SLC24A4: variants seen among roughly 807,000 people sequenced by gnomAD.
The protein encoded by SLC24A4 is sodium/potassium/calcium exchanger 4.
Under a neutral mutation model 79.0 loss-of-function variants are expected in SLC24A4, and 53 were observed. That is an observed-to-expected ratio of 0.67 (90% CI 0.54 to 0.84). The LOEUF is 0.84. SLC24A4 is among the 40% of genes least tolerant of loss of function. The pLI is 0.00. For synonymous variants in SLC24A4, 323 were observed against 323.8 expected (o/e 1.00, Z 0.03); for missense variants, 731 against 822.0 (o/e 0.89, Z 1.35).
At chr14:92,373,088 C>T (rs1195219081) in intron 2 of SLC24A4, among the ~76,000 whole-genome samples, 1 of 151,020 alleles carries the variant, frequency 6.6e-6, no homozygotes, top group Non-Finnish European at 1.5e-5. Context: ...CTGCAACCTC[C>T]ACCTCCTGGG....
At chr14:92,448,288 A>C (rs1162229606) in intron 9 of SLC24A4, among the ~76,000 whole-genome samples, 2 of 151,200 alleles carry the variant, frequency 1.3e-5, no homozygotes, top group Non-Finnish European at 2.9e-5. Flanking sequence ...TGTGCCCTTA[A>C]AAAGGGAAAG....
chr14:92,474,769 A>ATG (rs1179289365), intron 12 of SLC24A4, among the ~76,000 whole-genome samples: 70 of 120,856 alleles, frequency 5.8e-4, no homozygotes, highest in African/African-American at 2.0e-3. Flanking sequence ...ATACGTATAT[A>ATG]TGTGTGTATA....
At chr14:92,463,661 T>C (rs1481700398) in intron 12 of SLC24A4, among the ~76,000 whole-genome samples, 1 of 152,204 alleles carries the variant, frequency 6.6e-6, no homozygotes, top group Non-Finnish European at 1.5e-5. Context: ...ATAACAGGTC[T>C]TTTTCACTTA....
At chr14:92,345,695 C>A (rs1265046614) in intron 2 of SLC24A4, among the ~76,000 whole-genome samples, 1 of 151,608 alleles carries the variant, frequency 6.6e-6, no homozygotes, top group Non-Finnish European at 1.5e-5. Flanking sequence ...GAGCAAGCCT[C>A]CATCTAGAAA....
intron 2 of SLC24A4, among the ~76,000 whole-genome samples, chr14:92,404,239 T>C (rs915563616): frequency 6.6e-6 from 1 of 152,228 alleles, no homozygotes; most frequent in Non-Finnish European, 1.5e-5. Flanking sequence ...ATAGCCCAGC[T>C]GGTCTTGCTT....
intron 12 of SLC24A4, among the ~76,000 whole-genome samples, chr14:92,472,712 C>T (rs1357333212): frequency 6.6e-6 from 1 of 152,190 alleles, no homozygotes; most frequent in Non-Finnish European, 1.5e-5. Flanking sequence ...GCTGGTTCCA[C>T]ATTTTTGCAA....
chr14:92,340,566 G>A (rs954879036), intron 2 of SLC24A4, among the ~76,000 whole-genome samples: 1 of 69,628 alleles, frequency 1.4e-5, no homozygotes, highest in Non-Finnish European at 2.8e-5. Context: ...GGCTTCCGAG[G>A]CTGCATCATG....
At chr14:92,416,415 G>T (rs565964927) in intron 2 of SLC24A4, among the ~76,000 whole-genome samples, 2 of 152,164 alleles carry the variant, frequency 1.3e-5, no homozygotes, top group East Asian at 3.9e-4. Flanking sequence ...ACTTTATGCT[G>T]TCCTCTTCCT....
Position 92,409,962 on chromosome 14 carries a change from G to A in SLC24A4, c.242-23950G>A, listed in dbSNP as rs117172939. ...GCAGGAACAGAAAACCAAATACCAC[G>A]TTTTCACTTATAAGTGAGAGCTAAA... On this transcript the variant is annotated intron_variant, in intron 2 of 16. Transcript: ENST00000532405. 3.3e-5 allele frequency among the ~76,000 whole-genome samples: 5 copies of A among 152,238 alleles called. No homozygotes were observed. In the East Asian group the frequency reaches 7.7e-4, roughly 23 times the overall value.
intron 10 of SLC24A4, among the ~76,000 whole-genome samples, chr14:92,449,420 G>A (rs1893014794): frequency 6.6e-6 from 1 of 152,134 alleles, no homozygotes. Flanking sequence ...GATGGGGTTT[G>A]CTTAGGTGGG....
At chr14:92,453,495 GGAAA>G (rs1893268064) in intron 10 of SLC24A4, 1 of 159,528 alleles carries the variant, frequency 6.3e-6, no homozygotes, top group African/African-American at 2.4e-5. Context: ...TGTACGTGGG[GGAAA>G]GAAAGGTCCC....
rs1419068596 is a variant in SLC24A4 at position 92,449,115 on chromosome 14, A to G, written c.779A>G (p.Lys260Arg). 6.2e-7 allele frequency: 1 copy of G among 1,614,194 alleles called. No homozygotes were observed. The highest frequency in any genetic ancestry group is 8.5e-7 in the Non-Finnish European group (1 of 1,180,030). Reference sequence around the variant, plus strand: ...CAAGCCTTTTTCACAGTCAAACAAAAGAGCATTGCAAACGGTAACCCGGTC... The same window carrying G: ...CAAGCCTTTTTCACAGTCAAACAAAGGAGCATTGCAAACGGTAACCCGGTC... ...KMQAFFTVKQ[K>R]SIANGNPVNS... The change falls in exon 10 of 17, where the codon AAG (lysine) becomes AGG (arginine). Residue 260 changes from lysine (K) to arginine (R), a missense_variant. Transcript: ENST00000532405.
intron 2 of SLC24A4, among the ~76,000 whole-genome samples, chr14:92,374,087 C>T (rs1333674927): frequency 6.6e-6 from 1 of 152,182 alleles, no homozygotes; most frequent in Admixed American, 6.5e-5. Flanking sequence ...CAAGGGAGGC[C>T]CCAGCCAAAA....
At chr14:92,343,123 C>T (rs1228350103) in intron 2 of SLC24A4, among the ~76,000 whole-genome samples, 11 of 152,230 alleles carry the variant, frequency 7.2e-5, no homozygotes, top group African/African-American at 2.7e-4. Context: ...GCCCCTTCCA[C>T]TTCTTCCCTG....
intron 6 of SLC24A4, among the ~76,000 whole-genome samples, chr14:92,443,018 A>AT (rs1293960411): frequency 6.6e-6 from 1 of 152,214 alleles, no homozygotes; most frequent in Non-Finnish European, 1.5e-5. Context: ...AGATATCCTC[A>AT]GAGCCCCAGG....
intron 2 of SLC24A4, among the ~76,000 whole-genome samples, chr14:92,400,515 G>T (rs1162207345): frequency 6.6e-6 from 1 of 150,972 alleles, no homozygotes; most frequent in Admixed American, 6.6e-5. Flanking sequence ...AGGGAGAGAA[G>T]ATCTATAAGG....
intron 9 of SLC24A4, 112 bp from the exon 10 acceptor site, chr14:92,448,959 CCCA>C: frequency 1.6e-6 from 2 of 1,276,572 alleles, no homozygotes; most frequent in Non-Finnish European, 2.2e-6. Context: ...TCCCCTGCCA[CCCA>C]CCACTCCTGG....
In SLC24A4 at chr14:92,399,682, G is replaced by A. The variant is rs537833573; in HGVS notation, c.242-34230G>A. Among the ~76,000 whole-genome samples the A allele has an allele frequency of 1.9e-4, 29 of 152,234 alleles. No individual in the cohort carries two copies. In the South Asian group the frequency reaches 6.0e-3, roughly 32 times the overall value. ...CTTCAGCTGGTTTTGCGCTATGAAG[G>A]GGCTGATCATTTACTTCTCTGGTAA... On this transcript the variant is annotated intron_variant, in intron 2 of 16. Transcript: ENST00000532405.
chr14:92,358,612 T>C (rs1056823102), intron 2 of SLC24A4, among the ~76,000 whole-genome samples: 11 of 152,002 alleles, frequency 7.2e-5, no homozygotes, highest in Non-Finnish European at 1.3e-4. Context: ...GATGTCTTCC[T>C]GCACCCCTCT....
Sources: allele counts gnomAD v4.1 joint callset (sites outside exome capture counted in the v4.1 genomes callset), GRCh38; gene constraint gnomAD v4.1.1; transcripts MANE v1.5; gene names NCBI Gene and HGNC (gene_info 2026-07-23, HGNC 2026-07-21).